AKAP8L: variants seen among roughly 807,000 people sequenced by gnomAD.
AKAP8L encodes the protein A-kinase anchor protein 8-like.
Under a neutral mutation model 77.5 loss-of-function variants are expected in AKAP8L, and 34 were observed. The observed-to-expected ratio is 0.44, with a 90% CI of 0.33 to 0.58. The LOEUF is 0.58. AKAP8L is among the 20% of genes least tolerant of loss of function. The probability of loss-of-function intolerance (pLI) is 0.02; values close to 1 mark genes in which losing one functional copy is unlikely to be tolerated. For synonymous variants in AKAP8L, 342 were observed against 340.7 expected (o/e 1.00, Z -0.04); for missense variants, 806 against 887.6 (o/e 0.91, Z 1.17).
intron 2 of AKAP8L, among the ~76,000 whole-genome samples, chr19:15,408,874 A>C: frequency 6.6e-6 from 1 of 150,738 alleles, no homozygotes; most frequent in East Asian, 1.9e-4. Flanking sequence ...TCTGTCTCAA[A>C]AAAAAAAAAA....
chr19:15,403,400 G>T lies in AKAP8L; in HGVS notation c.362+75C>A. 1 of 1,428,422 alleles carries T rather than the reference G, an allele frequency of 7.0e-7. No homozygotes were observed. The highest frequency in any genetic ancestry group is 9.8e-7 in the Non-Finnish European group (1 of 1,019,222). 88.5% of individuals were successfully genotyped at this position (1,428,422 alleles called of 1,614,324 possible). On this transcript the variant is annotated intron_variant, in intron 4 of 13. Coordinates refer to ENST00000397410, the MANE Select transcript of AKAP8L (RefSeq NM_014371.4). This position sits in a 1 kb window ranked among gnomAD's most constrained non-coding sequence, Gnocchi z 4.3. ...GGAAGCAGACACAGAGGGGCACTCA[G>T]AGAGGAAAACGCAGTGGGCAGCAGG...
rs1197296286 is a variant in AKAP8L, at chr19:15,410,554, G to A, written c.54C>T (p.Tyr18=). ...AGGTGGGCTGAGCGCTGGTATCCGAGTATGTCGACTGCAAAGTGGTTTCAG... is the reference window on the plus strand; with the variant it reads ...AGGTGGGCTGAGCGCTGGTATCCGAATATGTCGACTGCAAAGTGGTTTCAG... ...QGSETTLQST[Y]SDTSAQPTCD... The change falls in exon 2 of 14, where the codon TAC becomes TAT. Residue 18 remains tyrosine (Y), a synonymous_variant. Transcript: ENST00000397410. 4.4e-6 allele frequency: 7 copies of A among 1,592,908 alleles called. No individual in the cohort carries two copies. Among genetic ancestry groups the A allele is most frequent in the African/African-American group, 2.7e-5 (2 of 74,598 alleles).
intron 2 of AKAP8L, among the ~76,000 whole-genome samples, chr19:15,407,834 C>A (rs1371375958): frequency 6.6e-6 from 1 of 152,150 alleles, no homozygotes; most frequent in Admixed American, 6.5e-5. Context: ...TTTGATAGAT[C>A]TATAGATCCA....
chr19:15,414,511 C>T (rs1399555820), intron 1 of AKAP8L, among the ~76,000 whole-genome samples: 5 of 151,454 alleles, frequency 3.3e-5, no homozygotes, highest in African/African-American at 4.9e-5. Context: ...GTTTTTGAGA[C>T]GGAGTCTCGC....
chr19:15,391,571 G>A (rs1268693427), intron 12 of AKAP8L, among the ~76,000 whole-genome samples: 5 of 59,554 alleles, frequency 8.4e-5, no homozygotes, highest in Non-Finnish European at 1.5e-4. Flanking sequence ...ATGGAATCTC[G>A]CTGTGTCTCC....
At position 15,390,509 on chromosome 19, in the gene AKAP8L, T is replaced by G. The variant is rs945682973; in HGVS notation, c.1536+6641A>C. ...TACGAAGCACTTGAAGAATTAATAC[T>G]AGTATATACTAGTTCTTCACAAACT... On this transcript the variant is annotated intron_variant, in intron 12 of 13. Coordinates refer to ENST00000397410, the MANE Select transcript of AKAP8L (RefSeq NM_014371.4). 4.4e-4 allele frequency among the ~76,000 whole-genome samples: 67 copies of G among 151,630 alleles called. 1 individual carries two copies. Among genetic ancestry groups the G allele is most frequent in the Non-Finnish European group, 2.5e-4 (17 of 67,962 alleles).
intron 4 of AKAP8L, among the ~76,000 whole-genome samples, chr19:15,402,750 G>A (rs951939264): frequency 6.6e-6 from 1 of 152,176 alleles, no homozygotes; most frequent in African/African-American, 2.4e-5. Flanking sequence ...ATACACCCAC[G>A]CTCCTCACCA....
chr19:15,383,048 G>C (rs961849939), intron 12 of AKAP8L, among the ~76,000 whole-genome samples: 28 of 152,218 alleles, frequency 1.8e-4, no homozygotes, highest in African/African-American at 6.5e-4. Flanking sequence ...AAAGGCTCTA[G>C]AAAACAAGTC....
In AKAP8L at chr19:15,403,930, G is replaced by A; in HGVS notation, c.121+80C>T. 7.8e-6 allele frequency: 12 copies of A among 1,541,076 alleles called. No homozygotes were observed. Among genetic ancestry groups the A allele is most frequent in the Non-Finnish European group, 1.1e-5 (12 of 1,119,070 alleles). ...ATGCCCCCTCCCCACTCCCAACCTT[G>A]GCCAAGCAGGGCAGTGGCAGAGAAA... On this transcript the variant is annotated intron_variant, in intron 3 of 13. Transcript: ENST00000397410. This position sits in a 1 kb window ranked among gnomAD's most constrained non-coding sequence, Gnocchi z 4.3.
intron 12 of AKAP8L, among the ~76,000 whole-genome samples, chr19:15,393,810 G>A (rs1348865339): frequency 6.6e-6 from 1 of 151,286 alleles, no homozygotes; most frequent in Non-Finnish European, 1.5e-5. Flanking sequence ...ATCCCAGCTA[G>A]GAGAATTGCT....
intron 1 of AKAP8L, among the ~76,000 whole-genome samples, chr19:15,416,032 G>A (rs1968201270): frequency 6.6e-6 from 1 of 151,816 alleles, no homozygotes; most frequent in Admixed American, 6.6e-5. Context: ...TTGCTATGTT[G>A]CCCAGGCTCA....
Position 15,415,004 on chromosome 19 carries a change from G to C in AKAP8L, c.13+3907C>G, listed in dbSNP as rs141323769. 1.4e-4 allele frequency among the ~76,000 whole-genome samples: 22 copies of C among 152,214 alleles called. No individual in the cohort carries two copies. The East Asian group carries it at 4.3e-3, about 29-fold the overall frequency. On this transcript the variant is annotated intron_variant, in intron 1 of 13. Coordinates refer to ENST00000397410, the MANE Select transcript of AKAP8L (RefSeq NM_014371.4). ...TTTCTTTTTTTGTTTTGAGAGACAG[G>C]GTCTCACTATGTTACCCATGCTGGT...
At position 15,387,179 on chromosome 19, in the gene AKAP8L, G is replaced by A. The variant is rs534620547; in HGVS notation, c.1537-6567C>T. ...ATGCCAGGAAAGGCAAACCAAGACC[G>A]GAGGCTACAGCCTACTGTACCTCCT... is the stretch of plus-strand genomic sequence containing the variant. On this transcript the variant is annotated intron_variant, in intron 12 of 13. Transcript: ENST00000397410. Among the ~76,000 whole-genome samples, 7 of 152,316 alleles carry A rather than the reference G, an allele frequency of 4.6e-5. No homozygotes were observed. In the East Asian group the frequency reaches 5.8e-4, roughly 13 times the overall value.
At chr19:15,418,233 C>T (rs908673422) in intron 1 of AKAP8L, among the ~76,000 whole-genome samples, 27 of 152,216 alleles carry the variant, frequency 1.8e-4, no homozygotes, top group Admixed American at 5.9e-4. Context: ...CTCTAAGCTG[C>T]TTGAGGAATT....
chr19:15,405,161 T>C (rs1047542558), intron 2 of AKAP8L, among the ~76,000 whole-genome samples: 2 of 152,092 alleles, frequency 1.3e-5, no homozygotes, highest in Non-Finnish European at 2.9e-5. Flanking sequence ...GAGAGCAGCA[T>C]GGGTAAGTCA....
intron 2 of AKAP8L, chr19:15,404,266 T>TGTTCC (rs1446126573): frequency 1.1e-5 from 6 of 561,346 alleles, no homozygotes; most frequent in Non-Finnish European, 1.9e-5. Flanking sequence ...AGGATCCTTC[T>TGTTCC]GTTCCCAACA....
intron 2 of AKAP8L, among the ~76,000 whole-genome samples, chr19:15,406,066 G>A (rs192553523): frequency 6.6e-6 from 1 of 152,268 alleles, no homozygotes; most frequent in Admixed American, 6.5e-5. Context: ...GAGGCACAAC[G>A]AAAGGAAGCA....
chr19:15,408,725 T>C (rs552343859), intron 2 of AKAP8L, among the ~76,000 whole-genome samples: 1 of 149,028 alleles, frequency 6.7e-6, no homozygotes, highest in African/African-American at 2.5e-5. Context: ...CTACTGAAAA[T>C]ACAAAAAGAT....
chr19:15,398,532 A>G lies in AKAP8L; in HGVS notation c.1158-677T>C. On this transcript the variant is annotated intron_variant, in intron 9 of 13. Transcript: ENST00000397410. This position sits in a 1 kb window ranked among gnomAD's most constrained non-coding sequence, Gnocchi z 9.2. ...TGCTCTGTCTGGGCCTGGTGTCCAC[A>G]GTAGAAGCCCGGGGTCTGGGGCCTG... The G allele has an allele frequency of 1.0e-6, 1 of 974,490 alleles. No individual in the cohort carries two copies. Among genetic ancestry groups the G allele is most frequent in the Non-Finnish European group, 1.2e-6 (1 of 819,680 alleles). 60.4% of individuals were successfully genotyped at this position (974,490 alleles called of 1,614,324 possible). A position where few individuals can be genotyped will look rare whatever the true frequency, so the allele number is the denominator to read the frequency against.
Sources: allele counts gnomAD v4.1 joint callset (sites outside exome capture counted in the v4.1 genomes callset), GRCh38; gene constraint gnomAD v4.1.1; non-coding constraint Gnocchi (gnomAD v3.1); transcripts MANE v1.5; gene names NCBI Gene and HGNC (gene_info 2026-07-23, HGNC 2026-07-21).